The following CDC14A variants were observed in gnomAD, a reference collection of about 807,000 sequenced individuals.
CDC14A encodes dual specificity protein phosphatase CDC14A.
CDC14A carries 53 observed loss-of-function variants against 74.4 expected under a neutral mutation model. The observed-to-expected ratio is 0.71, with a 90% CI of 0.57 to 0.89. CDC14A has a LOEUF of 0.89. Ranked by LOEUF, CDC14A falls within the 40% of genes least tolerant of loss-of-function variation. The pLI, the probability that CDC14A is intolerant of heterozygous loss-of-function variation, is 0.00. For missense variants in CDC14A, 646 were observed against 713.7 expected (o/e 0.91, Z 1.08); for synonymous variants, 247 against 258.4 (o/e 0.96, Z 0.43).
chr1:100,351,635 C>G, upstream of CDC14A: 4 of 917,242 alleles, frequency 4.4e-6, no homozygotes, highest in Non-Finnish European at 5.1e-6. Context: ...CCTCCGCGCC[C>G]GCCCAGGCTG....
chr1:100,416,530 A>G (rs563908918), intron 4 of CDC14A, among the ~76,000 whole-genome samples: 7 of 152,310 alleles, frequency 4.6e-5, no homozygotes, highest in South Asian at 2.1e-4. Flanking sequence ...GTACTCTATA[A>G]TCAGAGGGTT....
rs1557832516 is a variant in CDC14A at position 100,499,197 on chromosome 1, A to G, written c.1690A>G (p.Ile564Val). The G allele has an allele frequency of 3.7e-6, 6 of 1,613,924 alleles. No homozygotes were observed. Among genetic ancestry groups the G allele is most frequent in the Non-Finnish European group, 5.1e-6 (6 of 1,180,004 alleles). ...HSAKTEEHTT[I>V]LRPSYTGLSS... ...CGCCAAGACAGAGGAGCACACCACC[A>G]TCCTCCGACCCTCCTACACCGGGCT... is the stretch of plus-strand genomic sequence containing the variant. Residue 564 changes from isoleucine (I) to valine (V), a missense_variant, in exon 15 of 16, where the codon ATC becomes GTC. Transcript: ENST00000336454.
intron 10 of CDC14A, among the ~76,000 whole-genome samples, chr1:100,473,689 C>CA (rs1255150510): frequency 6.6e-6 from 1 of 152,096 alleles, no homozygotes; most frequent in African/African-American, 2.4e-5. Context: ...TGCCTGGCCA[C>CA]AATTGATTTT....
At chr1:100,453,850 C>CTGGG (rs1666390069) in intron 7 of CDC14A, among the ~76,000 whole-genome samples, 1 of 152,164 alleles carries the variant, frequency 6.6e-6, no homozygotes, top group African/African-American at 2.4e-5. Context: ...CCATGTTGCC[C>CTGGG]TGGGTGGTCT....
At chr1:100,420,912 T>A (rs1662289586) in intron 4 of CDC14A, among the ~76,000 whole-genome samples, 1 of 152,146 alleles carries the variant, frequency 6.6e-6, no homozygotes, top group Non-Finnish European at 1.5e-5. Flanking sequence ...AAACTAAAAG[T>A]TATTTAAGTT....
chr1:100,492,962 T>A lies in CDC14A; in HGVS notation c.1138-1856T>A, dbSNP rs143220324. 3.2e-4 allele frequency among the ~76,000 whole-genome samples: 49 copies of A among 152,154 alleles called. 1 individual carries two copies. The highest frequency in any genetic ancestry group is 1.1e-3 in the African/African-American group (47 of 41,506). ...CTCTTCTTCATATTCTTCAGTTAGATCCCTAATTTTCTTGGATCTCATGTT... is the reference window on the plus strand; with the variant it reads ...CTCTTCTTCATATTCTTCAGTTAGAACCCTAATTTTCTTGGATCTCATGTT... On this transcript the variant is annotated intron_variant, in intron 11 of 15. Coordinates refer to ENST00000336454, the MANE Select transcript of CDC14A (RefSeq NM_003672.4).
chr1:100,408,240 C>T (rs1445292678), intron 4 of CDC14A, among the ~76,000 whole-genome samples: 1 of 152,186 alleles, frequency 6.6e-6, no homozygotes, highest in Non-Finnish European at 1.5e-5. Context: ...CTGCAGAGGA[C>T]ATGATCTTAT....
At chr1:100,389,127 T>A (rs1657298671) in intron 3 of CDC14A, among the ~76,000 whole-genome samples, 1 of 135,662 alleles carries the variant, frequency 7.4e-6, no homozygotes, top group African/African-American at 3.0e-5. Flanking sequence ...GTGAGCCAGA[T>A]CATGCCACTG....
At chr1:100,384,675 C>G (rs1412974216) in intron 3 of CDC14A, among the ~76,000 whole-genome samples, 7 of 152,222 alleles carry the variant, frequency 4.6e-5, no homozygotes, top group Non-Finnish European at 1.5e-5. Flanking sequence ...GCAAATTGGT[C>G]ACCTGTGGCC....
chr1:100,505,740 C>T (rs1322296185), intron 15 of CDC14A, among the ~76,000 whole-genome samples: 2 of 152,138 alleles, frequency 1.3e-5, no homozygotes, highest in African/African-American at 4.8e-5. Flanking sequence ...TTAAATAGGA[C>T]ATTTTTATTC....
intron 15 of CDC14A, 72 bp from the exon 16 acceptor site, chr1:100,518,179 G>A (rs1339590736): frequency 7.9e-6 from 9 of 1,136,836 alleles, no homozygotes; most frequent in Admixed American, 3.5e-5. Context: ...GTGGAAGGGA[G>A]AAGCTGCATG....
chr1:100,469,484 T>C (rs1354370597), intron 10 of CDC14A, among the ~76,000 whole-genome samples: 2 of 152,230 alleles, frequency 1.3e-5, no homozygotes, highest in African/African-American at 4.8e-5. Flanking sequence ...CAGATTCTCA[T>C]TGTCTTCCTC....
At chr1:100,467,672 C>T (rs1448546904) in intron 9 of CDC14A, among the ~76,000 whole-genome samples, 1 of 152,192 alleles carries the variant, frequency 6.6e-6, no homozygotes, top group Non-Finnish European at 1.5e-5. Flanking sequence ...ATCTCTCTTG[C>T]TTCCATCTCT....
Position 100,462,818 on chromosome 1 carries a change from A to T in CDC14A, c.775A>T (p.Ile259Phe). The change falls in exon 9 of 16, where the codon ATC becomes TTC. Residue 259 changes from isoleucine to phenylalanine, a missense_variant. Physicochemically the swap from Ile to Phe is conservative, Grantham distance 21. Transcript: ENST00000336454. The part of the protein sequence containing the change: ...FIDGSTPSDN[I>F]VRRFLNICEN... ...AGATGGCAGCACACCCAGTGACAAC[A>T]TCGTGCGAAGGTTCCTGAACATCTG... 1.9e-6 allele frequency: 3 copies of T among 1,614,066 alleles called. No homozygotes were observed. The highest frequency in any genetic ancestry group is 2.5e-6 in the Non-Finnish European group (3 of 1,179,994).
chr1:100,458,767 G>A (rs1168085232), intron 8 of CDC14A, among the ~76,000 whole-genome samples: 2 of 151,174 alleles, frequency 1.3e-5, no homozygotes, highest in Non-Finnish European at 2.9e-5. Context: ...CGTTAGAAAA[G>A]CTGAGGTTTT....
intron 10 of CDC14A, among the ~76,000 whole-genome samples, chr1:100,479,671 A>G (rs1173525799): frequency 6.6e-6 from 1 of 152,234 alleles, no homozygotes; most frequent in Non-Finnish European, 1.5e-5. Flanking sequence ...GTTTTATTAG[A>G]ATTACAAGCA....
At chr1:100,493,487 G>A (rs1237009662) in intron 11 of CDC14A, among the ~76,000 whole-genome samples, 2 of 152,228 alleles carry the variant, frequency 1.3e-5, no homozygotes, top group East Asian at 3.8e-4. Context: ...TTCCTTTGAT[G>A]GTAATAAGTT....
rs759797751 is a variant in CDC14A at position 100,390,784 on chromosome 1, G to T, written c.269G>T (p.Arg90Leu). Residue 90 changes from arginine to leucine, a missense_variant, in exon 4 of 16, where the codon CGG (arginine) becomes CTG (leucine). Physicochemically the swap from Arg to Leu is moderately radical, Grantham distance 102. Coordinates refer to ENST00000336454, the MANE Select transcript of CDC14A (RefSeq NM_003672.4). The part of the protein sequence containing the change: ...KIVHYTCFDQ[R>L]KRANAAFLIG... ...GTGCACTACACCTGTTTTGACCAAC[G>T]GAAAAGAGCAAATGCAGCATTTTTG... 4.1e-5 allele frequency: 66 copies of T among 1,613,062 alleles called. No homozygotes were observed. The highest frequency in any genetic ancestry group is 4.9e-5 in the Non-Finnish European group (58 of 1,179,490).
chr1:100,458,102 C>T (rs920723294), intron 8 of CDC14A, among the ~76,000 whole-genome samples: 8 of 152,174 alleles, frequency 5.3e-5, no homozygotes, highest in Non-Finnish European at 1.2e-4. Flanking sequence ...CTTGCATATA[C>T]ATCATCTATT....
Sources: gnomAD v4.1 joint callset for allele counts (sites outside exome capture counted in the v4.1 genomes callset) on GRCh38, gnomAD v4.1.1 for gene constraint, MANE v1.5 for transcripts, NCBI Gene and HGNC (gene_info 2026-07-23, HGNC 2026-07-21) for gene names.